Variants in APBB2 observed in about 807,000 individuals in gnomAD.
APBB2 encodes amyloid beta precursor protein binding family B member 2, also known as Fe65-like 1.
Under a neutral mutation model 82.5 loss-of-function variants are expected in APBB2, and 38 were observed. The observed-to-expected ratio is 0.46, with a 90% CI of 0.36 to 0.60. The LOEUF (loss-of-function observed/expected upper bound fraction) is 0.60. APBB2 is among the 20% of genes least tolerant of loss of function. The pLI, the probability that APBB2 is intolerant of heterozygous loss-of-function variation, is 0.00. For synonymous variants in APBB2, 341 were observed against 368.2 expected, an observed-to-expected ratio of 0.93 and a Z score of 0.85; for missense variants, 772 against 972.3, an observed-to-expected ratio of 0.79 and a Z score of 2.74.
intron 3 of APBB2, among the ~76,000 whole-genome samples, chr4:41,071,737 G>T (rs1334145598): frequency 6.6e-6 from 1 of 152,128 alleles, no homozygotes; most frequent in African/African-American, 2.4e-5. Flanking sequence ...CATTGAGAAT[G>T]ATCACGATTT....
intron 3 of APBB2, among the ~76,000 whole-genome samples, chr4:41,084,433 A>C (rs1437260813): frequency 6.6e-6 from 1 of 152,218 alleles, no homozygotes; most frequent in African/African-American, 2.4e-5. Flanking sequence ...TCAAAAAAAG[A>C]AAAAGAAAAA....
chr4:40,953,695 G>A (rs185621474), intron 6 of APBB2, among the ~76,000 whole-genome samples: 13 of 152,182 alleles, frequency 8.5e-5, no homozygotes, highest in Non-Finnish European at 1.3e-4. Flanking sequence ...CTCTCCACAT[G>A]CTGCAGAGGC....
At chr4:41,001,899 A>G (rs375980285) in intron 6 of APBB2, among the ~76,000 whole-genome samples, 1 of 152,012 alleles carries the variant, frequency 6.6e-6, no homozygotes, top group South Asian at 2.1e-4. Flanking sequence ...AAGAAAAAGA[A>G]AAAGAAAAAG....
chr4:41,144,007 C>A (rs565467754), intron 1 of APBB2, among the ~76,000 whole-genome samples: 1 of 152,340 alleles, frequency 6.6e-6, no homozygotes, highest in East Asian at 1.9e-4. Context: ...GCTAGCAATT[C>A]TGGCACAGAA....
intron 4 of APBB2, among the ~76,000 whole-genome samples, chr4:41,058,457 T>C (rs529923949): frequency 6.6e-6 from 1 of 152,358 alleles, no homozygotes; most frequent in East Asian, 1.9e-4. Flanking sequence ...ACAAGGTCTG[T>C]ATTTATGAGT....
At chr4:40,907,373 A>ATTTT (rs1777213129) in intron 10 of APBB2, among the ~76,000 whole-genome samples, 5 of 37,416 alleles carry the variant, frequency 1.3e-4, no homozygotes, top group African/African-American at 6.7e-4. Flanking sequence ...ATATATATAT[A>ATTTT]TATATATTTT....
At chr4:40,986,598 G>A (rs1800471956) in intron 6 of APBB2, among the ~76,000 whole-genome samples, 1 of 152,216 alleles carries the variant, frequency 6.6e-6, no homozygotes, top group Non-Finnish European at 1.5e-5. Context: ...GGAAAAATGT[G>A]TTCATACTGA....
At position 41,060,847 on chromosome 4, in the gene APBB2, T is replaced by C. The variant is rs1332240857; in HGVS notation, c.-51+4729A>G. On this transcript the variant is annotated intron_variant, in intron 4 of 17. Coordinates refer to ENST00000508593, the MANE Select transcript of APBB2 (RefSeq NM_004307.2). ...AGGCACGTGACCCAAAGGCACAGGGTGTACCCTGGCAGGAGCAGCCCACAC... is the reference window on the plus strand; with the variant it reads ...AGGCACGTGACCCAAAGGCACAGGGCGTACCCTGGCAGGAGCAGCCCACAC... Among the ~76,000 whole-genome samples the C allele has an allele frequency of 2.6e-5, 4 of 152,092 alleles. No homozygotes were observed. In the South Asian group the frequency reaches 8.3e-4, roughly 32 times the overall value.
chr4:41,066,137 A>G lies in APBB2; in HGVS notation c.-148-464T>C, dbSNP rs62413773. On this transcript the variant is annotated intron_variant, in intron 3 of 17. Transcript: ENST00000508593. ...AGAGGTTAGATGTCATGTTGATTGG[A>G]AAAAAAAAAAAACTTTTCAGTGACA... Among the ~76,000 whole-genome samples the G allele has an allele frequency of 4.3e-4, 34 of 79,736 alleles. 1 individual carries two copies. Among genetic ancestry groups the G allele is most frequent in the African/African-American group, 1.4e-3 (26 of 18,450 alleles). The allele number at this position is 79,736 out of a possible 152,430, so 52.3% of individuals were successfully genotyped here. A position where few individuals can be genotyped will look rare whatever the true frequency, so the allele number is the denominator to read the frequency against.
chr4:41,014,226 G>C lies in APBB2; in HGVS notation c.192C>G (p.Pro64=). ...KHTETKNSTP[P]KCRKKYALTN... is the part of the protein sequence containing the mutation. ...TTAGTGCATATTTTTTCCTGCATTT[G>C]GGAGGTGTGCTGTTCTTGGTTTCTG... Residue 64 remains proline, a synonymous_variant, in exon 6 of 18, where the codon CCC becomes CCG. Coordinates refer to ENST00000508593, the MANE Select transcript of APBB2 (RefSeq NM_004307.2). 1 of 1,614,198 alleles carries C rather than the reference G, an allele frequency of 6.2e-7. No homozygotes were observed. Among genetic ancestry groups the C allele is most frequent in the Non-Finnish European group, 8.5e-7 (1 of 1,180,034 alleles).
rs189021119 is a variant in APBB2, at chr4:41,077,329, T to C, written c.-148-11656A>G. 3.3e-3 allele frequency among the ~76,000 whole-genome samples: 505 copies of C among 151,672 alleles called. 1 individual carries two copies. The highest frequency in any genetic ancestry group is 5.2e-3 in the Non-Finnish European group (356 of 67,934). On this transcript the variant is annotated intron_variant, in intron 3 of 17. Transcript: ENST00000508593. Reference sequence around the variant, plus strand: ...CAGCCAGGGATTTTTTTTTAAACAATAATTACATTGGAGAAAAAAATCCAA... The same window carrying C: ...CAGCCAGGGATTTTTTTTTAAACAACAATTACATTGGAGAAAAAAATCCAA...
At chr4:41,054,857 C>T (rs1311170427) in intron 4 of APBB2, among the ~76,000 whole-genome samples, 1 of 152,184 alleles carries the variant, frequency 6.6e-6, no homozygotes, top group East Asian at 1.9e-4. Context: ...GAGAAGCCTC[C>T]TAAATGTGCT....
At chr4:40,871,138 C>A (rs1197852771) in intron 12 of APBB2, among the ~76,000 whole-genome samples, 1 of 151,956 alleles carries the variant, frequency 6.6e-6, no homozygotes, top group Non-Finnish European at 1.5e-5. Context: ...ACCCTACTAC[C>A]CCGCACCCGT....
rs186202844 is a variant in APBB2 at position 40,861,752 on chromosome 4, T to C, written c.1529+28612A>G. 2.5e-3 allele frequency among the ~76,000 whole-genome samples: 385 copies of C among 152,308 alleles called. 2 individuals carry two copies. The highest frequency in any genetic ancestry group is 8.4e-3 in the African/African-American group (351 of 41,558). On this transcript the variant is annotated intron_variant, in intron 12 of 17. Coordinates refer to ENST00000508593, the MANE Select transcript of APBB2 (RefSeq NM_004307.2). ...AATTCTGGTACATATTACAGCTAAT[T>C]CTCTGATAAATATGGTAGCTGTTAC...
intron 12 of APBB2, among the ~76,000 whole-genome samples, chr4:40,866,848 G>C (rs1021812009): frequency 6.6e-6 from 1 of 152,148 alleles, no homozygotes; most frequent in Non-Finnish European, 1.5e-5. Context: ...CTCCTGAGTA[G>C]CTAGGATTAC....
In APBB2 at chr4:40,836,931, C is replaced by T. The variant is rs562172032; in HGVS notation, c.1530-6354G>A. Among the ~76,000 whole-genome samples, 331 of 152,348 alleles carry T rather than the reference C, an allele frequency of 2.2e-3. 4 individuals carry two copies. The highest frequency in any genetic ancestry group is 7.6e-3 in the African/African-American group (316 of 41,572). On this transcript the variant is annotated intron_variant, in intron 12 of 17. Coordinates refer to ENST00000508593, the MANE Select transcript of APBB2 (RefSeq NM_004307.2). ...ACAAACTCTATATCCCATCAGCTGG[C>T]TTCCACAGTGATCAAAATGTCACCC... is the stretch of plus-strand genomic sequence containing the variant.
intron 2 of APBB2, among the ~76,000 whole-genome samples, chr4:41,121,893 T>TTGTGTGTGTGTG (rs375623687): frequency 6.7e-6 from 1 of 150,282 alleles, no homozygotes; most frequent in Admixed American, 6.6e-5. Context: ...CCTTTTTTGG[T>TTGTGTGTGTGTG]TGTGTGTGTG....
intron 4 of APBB2, among the ~76,000 whole-genome samples, chr4:41,042,033 C>T (rs1721699923): frequency 6.6e-6 from 1 of 152,060 alleles, no homozygotes; most frequent in East Asian, 1.9e-4. Context: ...CTCTGTCACC[C>T]AGGCTGGAGT....
At chr4:41,143,242 C>T (rs941663308) in intron 1 of APBB2, 100 bp from the exon 2 acceptor site, 3 of 152,138 alleles carry the variant, frequency 2.0e-5, no homozygotes, top group Admixed American at 2.0e-4. Context: ...AAACATGTTC[C>T]CAACGTTCAA....
Sources: allele counts gnomAD v4.1 joint callset (sites outside exome capture counted in the v4.1 genomes callset), GRCh38; gene constraint gnomAD v4.1.1; transcripts MANE v1.5; gene names NCBI Gene and HGNC (gene_info 2026-07-23, HGNC 2026-07-21).